FSHR: variants seen among roughly 807,000 people sequenced by gnomAD.
FSHR encodes the protein follicle stimulating hormone receptor.
In FSHR, 46 loss-of-function variants were observed where a neutral mutation model predicts 52.1. The ratio of observed to expected loss-of-function variants is 0.88; its 90% CI spans 0.70 to 1.13. FSHR has a LOEUF of 1.13. FSHR is among the 50% of genes most tolerant of loss of function. The probability of loss-of-function intolerance (pLI) is 0.00; values close to 1 mark genes in which losing one functional copy is unlikely to be tolerated. For synonymous variants in FSHR, 399 were observed against 309.6 expected, an observed-to-expected ratio of 1.29 and a Z score of -3.03; for missense variants, 964 against 834.6, an observed-to-expected ratio of 1.16 and a Z score of -1.91.
At chr2:49,075,094 A>C (rs1669899020) in intron 1 of FSHR, among the ~76,000 whole-genome samples, 1 of 152,168 alleles carries the variant, frequency 6.6e-6, no homozygotes, top group African/African-American at 2.4e-5. Flanking sequence ...AATTATAGCT[A>C]GATAGGAAGA....
intron 8 of FSHR, among the ~76,000 whole-genome samples, chr2:48,977,258 A>G (rs1675032659): frequency 6.6e-6 from 1 of 152,188 alleles, no homozygotes; most frequent in South Asian, 2.1e-4. Context: ...TAGAATAGTT[A>G]TTCTGGGCAA....
chr2:49,108,771 C>A (rs938975642), intron 1 of FSHR, among the ~76,000 whole-genome samples: 1 of 151,704 alleles, frequency 6.6e-6, no homozygotes, highest in Non-Finnish European at 1.5e-5. Context: ...CTGGAGGCAA[C>A]GAAAATGAAT....
chr2:49,048,696 T>C (rs1282704948), intron 2 of FSHR, among the ~76,000 whole-genome samples: 2 of 152,234 alleles, frequency 1.3e-5, no homozygotes, highest in Non-Finnish European at 2.9e-5. Flanking sequence ...TCATTTAGGC[T>C]TCTCTAGCAT....
At chr2:49,014,434 T>A (rs1457285312) in intron 4 of FSHR, among the ~76,000 whole-genome samples, 1 of 152,002 alleles carries the variant, frequency 6.6e-6, no homozygotes, top group Non-Finnish European at 1.5e-5. Context: ...TGGCACAGAT[T>A]TCAGCCTTTT....
chr2:49,142,428 A>T (rs1250208745), intron 1 of FSHR, among the ~76,000 whole-genome samples: 4 of 152,184 alleles, frequency 2.6e-5, no homozygotes, highest in Non-Finnish European at 4.4e-5. Context: ...TAAAGAGTAG[A>T]AAGGGGTCCA....
rs2072485 is a variant in FSHR, at chr2:48,990,855, T to G, written c.375-218A>C. On this transcript the variant is annotated intron_variant, in intron 4 of 9. Transcript: ENST00000406846. ...TTCCTCAGAGAAAAGAAACTTACACTTCAGTCACAAGGGGATTAGGATGCC... is the reference window on the plus strand; with the variant it reads ...TTCCTCAGAGAAAAGAAACTTACACGTCAGTCACAAGGGGATTAGGATGCC... Among the ~76,000 whole-genome samples, 83,557 of 151,534 alleles carry G rather than the reference T, an allele frequency of 0.55. 24,599 individuals are homozygous for G. The highest frequency in any genetic ancestry group is 0.66 in the Non-Finnish European group (44,926 of 67,872).
chr2:49,090,099 T>C (rs892375601), intron 1 of FSHR, among the ~76,000 whole-genome samples: 2 of 151,798 alleles, frequency 1.3e-5, no homozygotes, highest in Non-Finnish European at 2.9e-5. Flanking sequence ...GTTTTTTCTT[T>C]TTTAACTAAC....
At chr2:49,084,785 A>T (rs1010622474) in intron 1 of FSHR, among the ~76,000 whole-genome samples, 2 of 152,194 alleles carry the variant, frequency 1.3e-5, no homozygotes, top group Non-Finnish European at 2.9e-5. Context: ...CTCTCCCAAG[A>T]CTAAACCAGG....
intron 2 of FSHR, among the ~76,000 whole-genome samples, chr2:49,036,806 C>A (rs1003747947): frequency 2.0e-5 from 3 of 152,202 alleles, no homozygotes; most frequent in African/African-American, 7.2e-5. Flanking sequence ...GTTGCGAGTT[C>A]TGGCTGACAT....
intron 1 of FSHR, among the ~76,000 whole-genome samples, chr2:49,124,146 C>T (rs950729519): frequency 7.0e-6 from 1 of 142,584 alleles, no homozygotes. Flanking sequence ...GCACCCACCA[C>T]CACGTCCGGC....
intron 1 of FSHR, among the ~76,000 whole-genome samples, chr2:49,085,912 A>C (rs966457831): frequency 6.6e-5 from 10 of 151,622 alleles, no homozygotes; most frequent in African/African-American, 2.4e-4. Context: ...GGAATTGAAC[A>C]ATGAGAACAC....
intron 4 of FSHR, among the ~76,000 whole-genome samples, chr2:48,990,957 C>G (rs1341144982): frequency 6.6e-6 from 1 of 151,858 alleles, no homozygotes; most frequent in Admixed American, 6.6e-5. Flanking sequence ...ACAAAAGTTT[C>G]TTAAAATTTC....
intron 2 of FSHR, among the ~76,000 whole-genome samples, chr2:49,055,574 G>T (rs923387740): frequency 1.6e-5 from 2 of 124,420 alleles, no homozygotes; most frequent in African/African-American, 6.0e-5. Context: ...CCCAAATAGG[G>T]TCAATCCCAA....
chr2:48,968,815 G>A lies in FSHR; in HGVS notation c.737C>T (p.Ala246Val), dbSNP rs981802105. The A allele has an allele frequency of 3.7e-6, 6 of 1,614,064 alleles. No individual in the cohort carries two copies. The highest frequency in any genetic ancestry group is 5.1e-6 in the Non-Finnish European group (6 of 1,179,980). The change falls in exon 9 of 10, where the codon GCC becomes GTC. Residue 246 changes from alanine (A) to valine (V), a missense_variant. Coordinates refer to ENST00000406846, the MANE Select transcript of FSHR (RefSeq NM_000145.4). Reference protein sequence around the residue: ...YGLENLKKLRARSTYNLKKLP... With the variant: ...YGLENLKKLRVRSTYNLKKLP... ...CTTTTTTAAGTTGTAAGTCGACCTGGCCCTCAGCTTCTTAAGATTTTCTAA... is the reference window on the plus strand; with the variant it reads ...CTTTTTTAAGTTGTAAGTCGACCTGACCCTCAGCTTCTTAAGATTTTCTAA...
intron 2 of FSHR, among the ~76,000 whole-genome samples, chr2:49,059,420 A>C (rs1669200709): frequency 2.0e-5 from 3 of 151,960 alleles, no homozygotes; most frequent in Non-Finnish European, 1.5e-5. Context: ...TGGGGGAAAA[A>C]AAAAACAGAC....
At chr2:49,126,889 T>G (rs1368901384) in intron 1 of FSHR, among the ~76,000 whole-genome samples, 1 of 152,190 alleles carries the variant, frequency 6.6e-6, no homozygotes, top group African/African-American at 2.4e-5. Context: ...GAACCATCCA[T>G]GCAATATCTC....
At chr2:49,006,423 C>A (rs559072847) in intron 4 of FSHR, among the ~76,000 whole-genome samples, 127 of 152,162 alleles carry the variant, frequency 8.3e-4, no homozygotes, top group African/African-American at 3.0e-3. Flanking sequence ...CCTATCCATC[C>A]AAATCTAGTC....
intron 2 of FSHR, among the ~76,000 whole-genome samples, chr2:49,060,819 C>T (rs143745944): frequency 1.3e-5 from 2 of 152,204 alleles, no homozygotes; most frequent in East Asian, 1.9e-4. Context: ...CCCACTCCCC[C>T]CCGGCCCAAA....
At chr2:49,056,250 T>C (rs1254883432) in intron 2 of FSHR, among the ~76,000 whole-genome samples, 2 of 151,746 alleles carry the variant, frequency 1.3e-5, no homozygotes, top group Non-Finnish European at 2.9e-5. Context: ...AAACTTACTT[T>C]ACCTGTAAAG....
Sources: allele counts gnomAD v4.1 joint callset (sites outside exome capture counted in the v4.1 genomes callset), GRCh38; gene constraint gnomAD v4.1.1; transcripts MANE v1.5; gene names NCBI Gene and HGNC (gene_info 2026-07-23, HGNC 2026-07-21).